Variants in AHNAK2 observed in about 807,000 individuals in gnomAD.
The protein encoded by AHNAK2 is AHNAK nucleoprotein 2, also known as protein AHNAK2.
In AHNAK2, 18 loss-of-function variants were observed where a neutral mutation model predicts 30.7. The observed-to-expected ratio is 0.59, with a 90% CI of 0.41 to 0.87. AHNAK2 has a LOEUF of 0.87. Among genes scored for constraint, AHNAK2 ranks in the 40% least tolerant of loss-of-function variants. AHNAK2 has a pLI of 0.00. For missense variants in AHNAK2, 8,604 were observed against 7,373.0 expected (o/e 1.17, Z -6.11); for synonymous variants, 3,590 against 3,073.8 (o/e 1.17, Z -5.56).
chr14:104,938,734 G>T lies in AHNAK2; in HGVS notation c.16717C>A (p.Pro5573Thr), dbSNP rs781525999. ...SGDLQPDTGE[P>T]FEMISSSVNV... ...ACGCTGGAAGAGATCATCTCAAATG[G>T]TTCTCCAGTGTCAGGCTGGAGATCT... Residue 5573 changes from proline (P) to threonine (T), a missense_variant, in exon 7 of 7, where the codon CCA becomes ACA. By Grantham distance (38) the Pro-to-Thr change is conservative (BLOSUM62 -1). Transcript: ENST00000333244. 6 of 1,613,694 alleles carry T rather than the reference G, an allele frequency of 3.7e-6. 1 individual carries two copies. In the South Asian group the frequency reaches 6.6e-5, roughly 18 times the overall value.
chr14:104,955,163 C>T, intron 5 of AHNAK2, 22 bp from the exon 6 acceptor site: 9 of 1,589,000 alleles, frequency 5.7e-6, no homozygotes, highest in Non-Finnish European at 7.7e-6. Context: ...AAGAGCAGCC[C>T]CAGGGCCGGG....
chr14:104,951,824 A>C lies in AHNAK2; in HGVS notation c.3627T>G (p.Thr1209=), dbSNP rs201390029. The C allele has an allele frequency of 9.8e-5, 154 of 1,569,280 alleles. 10 individuals are homozygous for C. In the Admixed American group the frequency reaches 1.2e-3, roughly 12 times the overall value. ...LPSMQGDLKT[T]DLSIQPPSAD... ...CGGAAGGGGGCTGAATGCTGAGGTC[A>C]GTGGTCTTGAGGTCCCCCTGCATGG... The change falls in exon 7 of 7, where the codon ACT becomes ACG. Residue 1209 remains threonine, a synonymous_variant. Transcript: ENST00000333244.
Position 104,939,462 on chromosome 14 carries a change from A to G in AHNAK2, c.15989T>C (p.Leu5330Pro). 3 of 1,613,442 alleles carry G rather than the reference A, an allele frequency of 1.9e-6. No homozygotes were observed. In the East Asian group the frequency reaches 6.7e-5, roughly 36 times the overall value. The change falls in exon 7 of 7, where the codon CTT becomes CCT. Residue 5330 changes from leucine (L) to proline (P), a missense_variant. By Grantham distance (98) the Leu-to-Pro change is moderately conservative (BLOSUM62 -3). Transcript: ENST00000333244. ...GGCAAGGTCATGTCCTGGCTTGGAA[A>G]GAGGAGTCTCATCTATTTCTCCTGG... Reference protein sequence around the residue: ...VLPGEIDETPLSKPGHDLASM... With the variant: ...VLPGEIDETPPSKPGHDLASM...
Position 104,942,116 on chromosome 14 carries a change from C to T in AHNAK2, c.13335G>A (p.Leu4445=), listed in dbSNP as rs952165605. The T allele has an allele frequency of 1.9e-6, 3 of 1,612,316 alleles. No homozygotes were observed. The highest frequency in any genetic ancestry group is 1.3e-5 in the African/African-American group (1 of 74,360). Residue 4445 remains leucine (L), a synonymous_variant, in exon 7 of 7, where the codon CTG becomes CTA. Coordinates refer to ENST00000333244, the MANE Select transcript of AHNAK2 (RefSeq NM_138420.4). ...APGAKLDSTR[L]EGDLSLADKD... The stretch of plus-strand genomic sequence containing the variant: ...TGTCAGCCAGGGACAGGTCCCCCTC[C>T]AGCCGCGTACTGTCCAGCTTGGCTC...
Position 104,947,240 on chromosome 14 carries a change from G to A in AHNAK2, c.8211C>T (p.Pro2737=), listed in dbSNP as rs769601895. Reference sequence around the variant, plus strand: ...GGTCCACTTCAGGCATCTTGAAACTGGGCATCTGCAGCTTGGGCAGGTGCC... The same window carrying A: ...GGTCCACTTCAGGCATCTTGAAACTAGGCATCTGCAGCTTGGGCAGGTGCC... ...LKGHLPKLQM[P]SFKMPEVDLK... is the part of the protein sequence containing the mutation. The change falls in exon 7 of 7, where the codon CCC becomes CCT. Residue 2737 remains proline, a synonymous_variant. Transcript: ENST00000333244. 75 of 1,611,668 alleles carry A rather than the reference G, an allele frequency of 4.7e-5. 1 individual carries two copies. In the Admixed American group the frequency reaches 1.0e-3, roughly 22 times the overall value.
In AHNAK2 at chr14:104,940,121, C is replaced by G; in HGVS notation, c.15330G>C (p.Lys5110Asn). The G allele has an allele frequency of 3.1e-6, 5 of 1,613,328 alleles. No homozygotes were observed. Among genetic ancestry groups the G allele is most frequent in the Non-Finnish European group, 3.4e-6 (4 of 1,179,894 alleles). Residue 5110 changes from lysine (K) to asparagine (N), a missense_variant, in exon 7 of 7, where the codon AAG becomes AAC. Lys to Asn is a moderately conservative substitution (Grantham distance 94). Coordinates refer to ENST00000333244, the MANE Select transcript of AHNAK2 (RefSeq NM_138420.4). This position sits in a 1 kb window ranked among gnomAD's most constrained non-coding sequence, Gnocchi z 4.4. Reference sequence around the variant, plus strand: ...CAGCTTCAGGCTGGCTCACCTCCACCTTGGCCTTGGAGGATCTGAGATCAG... The same window carrying G: ...CAGCTTCAGGCTGGCTCACCTCCACGTTGGCCTTGGAGGATCTGAGATCAG... ...AKPDLRSSKA[K>N]VEVSQPEADL... is the part of the protein sequence containing the mutation.
In AHNAK2 at chr14:104,941,938, C is replaced by T. The variant is rs1330664013; in HGVS notation, c.13513G>A (p.Asp4505Asn). The change falls in exon 7 of 7, where the codon GAC (aspartate) becomes AAC (asparagine). Residue 4505 changes from aspartate to asparagine, a missense_variant. Transcript: ENST00000333244. ...ADMSIPSMQG[D>N]LKTTDLRIQA... ...ATGCGGAGGTCAGTGGTCTTGAGGT[C>T]CCCCTGCATGGAGGGAATGCTCATG... is the stretch of plus-strand genomic sequence containing the variant. The T allele has an allele frequency of 8.1e-6, 13 of 1,613,514 alleles. No individual in the cohort carries two copies. Among genetic ancestry groups the T allele is most frequent in the African/African-American group, 2.7e-5 (2 of 74,944 alleles).
intron 1 of AHNAK2, among the ~76,000 whole-genome samples, chr14:104,962,127 G>T (rs1230815942): frequency 1.3e-5 from 2 of 152,110 alleles, no homozygotes; most frequent in Non-Finnish European, 2.9e-5. Context: ...TAGAATAGGG[G>T]AAGATACAAA....
At position 104,947,695 on chromosome 14, in the gene AHNAK2, G is replaced by T. The variant is rs199905726; in HGVS notation, c.7756C>A (p.Leu2586Ile). ...MPEMDLKGPQ[L>I]DVKGPKLDLK... ...TCCAGCTTGGGGCCCTTGACATCTA[G>T]CTGGGGGCCCTTGAGGTCCATTTCA... The change falls in exon 7 of 7, where the codon CTA becomes ATA. Residue 2586 changes from leucine to isoleucine, a missense_variant. Transcript: ENST00000333244. 1.1e-3 allele frequency: 1,707 copies of T among 1,590,936 alleles called. 17 individuals are homozygous for T. The highest frequency in any genetic ancestry group is 3.3e-3 in the African/African-American group (237 of 71,564).
chr14:104,948,403 C>T lies in AHNAK2; in HGVS notation c.7048G>A (p.Ala2350Thr), dbSNP rs780909156. The T allele has an allele frequency of 2.5e-6, 4 of 1,612,466 alleles. No homozygotes were observed. Among genetic ancestry groups the T allele is most frequent in the Non-Finnish European group, 3.4e-6 (4 of 1,179,548 alleles). ...SADVSALKVE[A>T]DVSLPSMQGD... ...TGCATGGAGGGGAGGCTCACGTCGGCCTCCACCTTCAACGCAGACACATCC... is the reference window on the plus strand; with the variant it reads ...TGCATGGAGGGGAGGCTCACGTCGGTCTCCACCTTCAACGCAGACACATCC... The change falls in exon 7 of 7, where the codon GCC (alanine) becomes ACC (threonine). Residue 2350 changes from alanine (A) to threonine (T), a missense_variant. Ala to Thr is a moderately conservative substitution (Grantham distance 58). Transcript: ENST00000333244.
At chr14:104,974,534 A>G (rs1048197300) in intron 1 of AHNAK2, among the ~76,000 whole-genome samples, 4 of 152,190 alleles carry the variant, frequency 2.6e-5, no homozygotes, top group African/African-American at 9.7e-5. Context: ...CCCGGTCTCC[A>G]TTGGGCCAGT....
rs763538508 is a variant in AHNAK2 at position 104,947,547 on chromosome 14, G to T, written c.7904C>A (p.Ser2635Tyr). The T allele has an allele frequency of 6.2e-7, 1 of 1,612,506 alleles. No individual in the cohort carries two copies. The highest frequency in any genetic ancestry group is 1.1e-5 in the South Asian group (1 of 91,024). The change falls in exon 7 of 7, where the codon TCC (serine) becomes TAC (tyrosine). Residue 2635 changes from serine to tyrosine, a missense_variant. Transcript: ENST00000333244. Reference protein sequence around the residue: ...LDGARLEGDLSLADKGVTAKD... With the variant: ...LDGARLEGDLYLADKGVTAKD... The stretch of plus-strand genomic sequence containing the variant: ...GGCTGTCACACCCTTGTCGGCCAGG[G>T]ACAGGTCCCCCTCCAGCCGCGCACC...
In AHNAK2 at chr14:104,953,580, C is replaced by G. The variant is rs747878854; in HGVS notation, c.1871G>C (p.Arg624Thr). 1.7e-5 allele frequency: 27 copies of G among 1,613,888 alleles called. No homozygotes were observed. In the South Asian group the frequency reaches 2.7e-4, roughly 16 times the overall value. The change falls in exon 7 of 7, where the codon AGA becomes ACA. Residue 624 changes from arginine to threonine, a missense_variant. By Grantham distance (71) the Arg-to-Thr change is moderately conservative (BLOSUM62 -1). Transcript: ENST00000333244. ...EGEATATADR[R>T]EQRRTEEGLK... is the part of the protein sequence containing the mutation. The stretch of plus-strand genomic sequence containing the variant: ...TCCTTCCTCTGTGCGTCTCTGTTCT[C>G]TTCTATCAGCTGTTGCTGTGGCCTC...
intron 1 of AHNAK2, among the ~76,000 whole-genome samples, chr14:104,977,953 G>A (rs570903044): frequency 6.6e-6 from 1 of 152,268 alleles, no homozygotes; most frequent in South Asian, 2.1e-4. Flanking sequence ...CAGTCTCAGA[G>A]GCCGGGAGAG....
chr14:104,970,973 A>C (rs1471152329), intron 1 of AHNAK2, among the ~76,000 whole-genome samples: 1 of 151,926 alleles, frequency 6.6e-6, no homozygotes, highest in South Asian at 2.1e-4. Flanking sequence ...TGGGCCAGTG[A>C]CCTTGGGGCC....
Position 104,942,734 on chromosome 14 carries a change from C to T in AHNAK2, c.12717G>A (p.Lys4239=). 1 of 1,612,992 alleles carries T rather than the reference C, an allele frequency of 6.2e-7. No individual in the cohort carries two copies. Among genetic ancestry groups the T allele is most frequent in the African/African-American group, 1.3e-5 (1 of 74,806 alleles). The change falls in exon 7 of 7, where the codon AAG becomes AAA. Residue 4239 remains lysine, a synonymous_variant. Transcript: ENST00000333244. Reference sequence around the variant, plus strand: ...GGCCTTTCAGGTCCAGCTTGGGGCCCTTGACATCCACCTGGGGGCCCTTGA... The same window carrying T: ...GGCCTTTCAGGTCCAGCTTGGGGCCTTTGACATCCACCTGGGGGCCCTTGA... ...VALKGPQVDV[K]GPKLDLKGPK...
At position 104,977,333 on chromosome 14, in the gene AHNAK2, C is replaced by T. The variant is rs371426433; in HGVS notation, c.55+850G>A. Among the ~76,000 whole-genome samples, 183 of 152,268 alleles carry T rather than the reference C, an allele frequency of 1.2e-3. 1 individual carries two copies. Among genetic ancestry groups the T allele is most frequent in the African/African-American group, 4.3e-3 (179 of 41,554 alleles). On this transcript the variant is annotated intron_variant, in intron 1 of 6. Transcript: ENST00000333244. The stretch of plus-strand genomic sequence containing the variant: ...GCCCTGCCCCCCTCAGCCCTGCCCT[C>T]CAAGATGCTGAGACACCCAGGCCCC...
chr14:104,961,568 C>T (rs1382297624), intron 1 of AHNAK2, among the ~76,000 whole-genome samples: 1 of 150,138 alleles, frequency 6.7e-6, no homozygotes, highest in Non-Finnish European at 1.5e-5. Context: ...TAAAGTAGGA[C>T]AATCTTACTT....
chr14:104,947,627 C>T lies in AHNAK2; in HGVS notation c.7824G>A (p.Glu2608=), dbSNP rs1008914653. ...PKAEVTAPDV[E]MSLSSMEVDV... is the part of the protein sequence containing the mutation. Reference sequence around the variant, plus strand: ...CCACCTCCATGCTGGACAGAGACATCTCCACATCGGGGGCTGTCACTTCCG... The same window carrying T: ...CCACCTCCATGCTGGACAGAGACATTTCCACATCGGGGGCTGTCACTTCCG... Residue 2608 remains glutamate (E), a synonymous_variant, in exon 7 of 7, where the codon GAG becomes GAA. Coordinates refer to ENST00000333244, the MANE Select transcript of AHNAK2 (RefSeq NM_138420.4). 1 of 1,613,104 alleles carries T rather than the reference C, an allele frequency of 6.2e-7. No homozygotes were observed. Among genetic ancestry groups the T allele is most frequent in the African/African-American group, 1.3e-5 (1 of 74,698 alleles).
Sources: gnomAD v4.1 joint callset for allele counts (sites outside exome capture counted in the v4.1 genomes callset) on GRCh38, gnomAD v4.1.1 for gene constraint, Gnocchi (gnomAD v3.1) non-coding constraint, MANE v1.5 for transcripts, NCBI Gene and HGNC (gene_info 2026-07-23, HGNC 2026-07-21) for gene names.